The following CAPN2 variants were observed in gnomAD, a reference collection of about 807,000 sequenced individuals.
The protein encoded by CAPN2 is calpain-2 catalytic subunit.
Under a neutral mutation model 102.3 loss-of-function variants are expected in CAPN2, and 92 were observed. The ratio of observed to expected loss-of-function variants is 0.90; its 90% CI spans 0.76 to 1.07. CAPN2 has a LOEUF of 1.07. CAPN2 is among the 50% of genes least tolerant of loss of function. The pLI is 0.00. For missense variants in CAPN2, 800 were observed against 909.4 expected, an observed-to-expected ratio of 0.88 and a Z score of 1.55; for synonymous variants, 340 against 355.4, an observed-to-expected ratio of 0.96 and a Z score of 0.49.
chr1:223,766,446 G>A lies in CAPN2; in HGVS notation c.1755+15G>A. The A allele has an allele frequency of 1.3e-6, 2 of 1,592,232 alleles. No homozygotes were observed. The highest frequency in any genetic ancestry group is 1.7e-5 in the Admixed American group (1 of 59,994). On this transcript the variant is annotated intron_variant, in intron 16 of 20. Coordinates refer to ENST00000295006, the MANE Select transcript of CAPN2 (RefSeq NM_001748.5). ...ACATGCTAGATGTATCCTTTAATGTGCTCCAGGGAATAGAGACTGGGGGAG... is the reference window on the plus strand; with the variant it reads ...ACATGCTAGATGTATCCTTTAATGTACTCCAGGGAATAGAGACTGGGGGAG...
Position 223,725,824 on chromosome 1 carries a change from A to G in CAPN2, c.307+7993A>G, listed in dbSNP as rs1171617953. On this transcript the variant is annotated intron_variant, in intron 2 of 20. Transcript: ENST00000295006. The surrounding 1 kb of genome is among the most constrained non-coding windows in gnomAD (Gnocchi z 4.1). ...GACTCTCTCCTATCCCAGCACATACACGTGCTTCCAGTACCTTGTGATCTC... is the reference window on the plus strand; with the variant it reads ...GACTCTCTCCTATCCCAGCACATACGCGTGCTTCCAGTACCTTGTGATCTC... Among the ~76,000 whole-genome samples the G allele has an allele frequency of 6.6e-6, 1 of 152,190 alleles. No homozygotes were observed. Among genetic ancestry groups the G allele is most frequent in the African/African-American group, 2.4e-5 (1 of 41,442 alleles).
intron 1 of CAPN2, among the ~76,000 whole-genome samples, chr1:223,716,740 C>A (rs1469669953): frequency 6.6e-6 from 1 of 151,982 alleles, no homozygotes; most frequent in African/African-American, 2.4e-5. Context: ...GCCCCAACTT[C>A]CTCTGTGGCT....
chr1:223,709,893 T>A (rs1332889627), upstream of CAPN2, among the ~76,000 whole-genome samples: 1 of 152,246 alleles, frequency 6.6e-6, no homozygotes, highest in Non-Finnish European at 1.5e-5. Flanking sequence ...GCTACAGTTA[T>A]CTACAACTTA....
chr1:223,704,160 G>A lies in CAPN2; in HGVS notation c.3+2329G>A, dbSNP rs568442075. 1.9e-4 allele frequency among the ~76,000 whole-genome samples: 29 copies of A among 152,054 alleles called. No individual in the cohort carries two copies. The South Asian group carries it at 5.4e-3, about 28-fold the overall frequency. The stretch of plus-strand genomic sequence containing the variant: ...ACAAAAATTAGCAGGGCATGGTGGC[G>A]CATGCCTGTAATCCCAGCTACTCAG... On this transcript the variant is annotated intron_variant, in intron 1 of 20. Coordinates refer to the CAPN2 transcript ENST00000433674.
intron 18 of CAPN2, chr1:223,771,554 G>C (rs1398593376): frequency 2.3e-6 from 1 of 439,850 alleles, no homozygotes; most frequent in East Asian, 4.1e-5. Flanking sequence ...GTGACCATGA[G>C]AACAGAAACA....
chr1:223,717,642 T>C, intron 1 of CAPN2, 120 bp from the exon 2 acceptor site: 1 of 758,526 alleles, frequency 1.3e-6, no homozygotes, highest in Middle Eastern at 2.9e-4. Context: ...ATGACACACT[T>C]TCCCCAGAGG....
At chr1:223,752,136 T>G (rs1237977755) in intron 8 of CAPN2, 65 bp downstream of exon 8, 3 of 1,139,680 alleles carry the variant, frequency 2.6e-6, no homozygotes, top group Non-Finnish European at 3.9e-6. Context: ...AGAAAACTGC[T>G]AATTAGAAAG....
Position 223,759,495 on chromosome 1 carries a change from TCC to T in CAPN2, c.1529+16_1529+17del. ...AGCTGACTACCAGTAGGCGGTTTGGTCCCTTCCTCTCCCCACCCTTCCCTGTC... is the reference window on the plus strand; with the variant it reads ...AGCTGACTACCAGTAGGCGGTTTGGTCTTCCTCTCCCCACCCTTCCCTGTC... On this transcript the variant is annotated intron_variant, in intron 12 of 20. Coordinates refer to ENST00000295006, the MANE Select transcript of CAPN2 (RefSeq NM_001748.5). The surrounding 1 kb of genome is among the most constrained non-coding windows in gnomAD (Gnocchi z 4.6). 6.2e-7 allele frequency: 1 copy of T among 1,607,762 alleles called. No individual in the cohort carries two copies. The highest frequency in any genetic ancestry group is 1.1e-5 in the South Asian group (1 of 90,890).
upstream of CAPN2, among the ~76,000 whole-genome samples, chr1:223,711,765 G>A (rs115853414): frequency 0.015 from 2,304 of 152,118 alleles, 61 homozygotes; most frequent in African/African-American, 0.052. Context: ...TGCCTGCCAC[G>A]ACGTATTTTT....
At chr1:223,734,128 C>A (rs1471714005) in intron 2 of CAPN2, among the ~76,000 whole-genome samples, 2 of 152,170 alleles carry the variant, frequency 1.3e-5, no homozygotes, top group African/African-American at 4.8e-5. Context: ...GCCCCGGGAT[C>A]CAGCGCTACA....
intron 7 of CAPN2, among the ~76,000 whole-genome samples, 192 bp downstream of exon 7, chr1:223,751,167 C>T (rs1660880871): frequency 1.3e-5 from 2 of 152,186 alleles, no homozygotes; most frequent in South Asian, 4.1e-4. Context: ...CCTCCAGCAG[C>T]CTGAGTGCCT....
chr1:223,772,010 C>T (rs533705681), intron 19 of CAPN2, 85 bp downstream of exon 19: 1 of 1,140,268 alleles, frequency 8.8e-7, no homozygotes, highest in Admixed American at 1.7e-5. Context: ...ATCATCTAAA[C>T]TAGAGACATG....
intron 8 of CAPN2, among the ~76,000 whole-genome samples, chr1:223,752,281 G>A (rs1571807930): frequency 6.6e-6 from 1 of 152,200 alleles, no homozygotes; most frequent in Non-Finnish European, 1.5e-5. Context: ...TGACAATGGG[G>A]TTTATAAGCT....
chr1:223,718,997 C>T (rs532627977), intron 2 of CAPN2, among the ~76,000 whole-genome samples: 6 of 150,080 alleles, frequency 4.0e-5, no homozygotes, highest in Non-Finnish European at 8.9e-5. Context: ...ATCATTAGGA[C>T]AGACAGACTG....
intron 15 of CAPN2, 126 bp from the exon 16 acceptor site, chr1:223,766,241 T>C: frequency 1.4e-6 from 1 of 699,516 alleles, no homozygotes; most frequent in South Asian, 1.7e-5. Context: ...ATGTGGCTAT[T>C]TAATATAATG....
intron 2 of CAPN2, among the ~76,000 whole-genome samples, chr1:223,737,819 G>GA (rs900819305): frequency 1.0e-4 from 15 of 147,488 alleles, no homozygotes; most frequent in East Asian, 4.0e-4. Context: ...CGGGAGAGGG[G>GA]AAAAAAAAAG....
At chr1:223,721,903 T>C (rs536201234) in intron 2 of CAPN2, among the ~76,000 whole-genome samples, 2 of 152,340 alleles carry the variant, frequency 1.3e-5, no homozygotes, top group Admixed American at 1.3e-4. Flanking sequence ...CTTGGCACAC[T>C]ATAGAATCCC....
At chr1:223,751,456 C>A (rs1660895461) in intron 7 of CAPN2, among the ~76,000 whole-genome samples, 1 of 152,224 alleles carries the variant, frequency 6.6e-6, no homozygotes, top group Non-Finnish European at 1.5e-5. Flanking sequence ...CCTCAGCCTA[C>A]TTGCTCTGCC....
Position 223,749,041 on chromosome 1 carries a change from C to T in CAPN2, c.732C>T (p.Ile244=), listed in dbSNP as rs371937820. 8.1e-6 allele frequency: 13 copies of T among 1,613,702 alleles called. No individual in the cohort carries two copies. The highest frequency in any genetic ancestry group is 4.0e-5 in the African/African-American group (3 of 74,922). ...TCTGACGGTTGCTGTGTTTGCAGAT[C>T]ACCAGCGCCGCGGACTCGGAGGCCA... ...KGSLLGCSID[I]TSAADSEAIT... Residue 244 remains isoleucine (I), a splice_region_variant and synonymous_variant, in exon 6 of 21, where the codon ATC becomes ATT. Coordinates refer to ENST00000295006, the MANE Select transcript of CAPN2 (RefSeq NM_001748.5).
Sources: allele counts gnomAD v4.1 joint callset (sites outside exome capture counted in the v4.1 genomes callset), GRCh38; gene constraint gnomAD v4.1.1; non-coding constraint Gnocchi (gnomAD v3.1); transcripts MANE v1.5; gene names NCBI Gene and HGNC (gene_info 2026-07-23, HGNC 2026-07-21).